FERMT1: variants seen among roughly 807,000 people sequenced by gnomAD.
FERMT1 encodes fermitin family homolog 1.
FERMT1 carries 60 observed loss-of-function variants against 85.3 expected under a neutral mutation model. That is an observed-to-expected ratio of 0.70 (90% CI 0.57 to 0.87). The LOEUF (loss-of-function observed/expected upper bound fraction) is 0.87. Ranked by LOEUF, FERMT1 falls within the 40% of genes least tolerant of loss-of-function variation. FERMT1 has a pLI of 0.00. For missense variants in FERMT1, 701 were observed against 818.9 expected, an observed-to-expected ratio of 0.86 and a Z score of 1.76; for synonymous variants, 275 against 301.1, an observed-to-expected ratio of 0.91 and a Z score of 0.90.
At chr20:6,101,711 G>T (rs1333251581) in intron 6 of FERMT1, among the ~76,000 whole-genome samples, 1 of 152,148 alleles carries the variant, frequency 6.6e-6, no homozygotes, top group South Asian at 2.1e-4. Context: ...GGAGTGCAAT[G>T]GCGCGATCTC....
intron 6 of FERMT1, among the ~76,000 whole-genome samples, chr20:6,103,143 G>A (rs1982705232): frequency 6.6e-6 from 1 of 152,128 alleles, no homozygotes; most frequent in Admixed American, 6.6e-5. Flanking sequence ...ACAAAAGAGT[G>A]TTCAATAAAA....
In FERMT1 at chr20:6,077,101, C is replaced by G. The variant is rs2232084; in HGVS notation, c.*72G>C. On this transcript the variant is annotated 3_prime_UTR_variant, in exon 15 of 15. Transcript: ENST00000217289. ...TAGTCCAGAATCTACATGCTGGGCA[C>G]GTTAGGGATCCCTCTGGGGAGGGGC... 1 of 1,468,622 alleles carries G rather than the reference C, an allele frequency of 6.8e-7. No individual in the cohort carries two copies. The highest frequency in any genetic ancestry group is 1.7e-5 in the Admixed American group (1 of 59,824). The allele number at this position is 1,468,622 out of a possible 1,614,324, so 91.0% of individuals were successfully genotyped here.
rs562999534 is a variant in FERMT1, at chr20:6,075,659, C to G, written c.*1514G>C. 3.3e-4 allele frequency: 51 copies of G among 152,396 alleles called. No individual in the cohort carries two copies. Among genetic ancestry groups the G allele is most frequent in the African/African-American group, 1.2e-3 (50 of 41,544 alleles). 9.4% of individuals were successfully genotyped at this position (152,396 alleles called of 1,614,324 possible). A position where few individuals can be genotyped will look rare whatever the true frequency, so the allele number is the denominator to read the frequency against. ...GTGGCTCCCGGAATTGCTGAGGTCT[C>G]ACTTCTCAGAGGGCTTTGATGGAAA... On this transcript the variant is annotated 3_prime_UTR_variant, in exon 15 of 15. Coordinates refer to ENST00000217289, the MANE Select transcript of FERMT1 (RefSeq NM_017671.5).
intron 3 of FERMT1, among the ~76,000 whole-genome samples, chr20:6,114,731 G>A (rs1185968956): frequency 6.6e-6 from 1 of 152,156 alleles, no homozygotes; most frequent in Non-Finnish European, 1.5e-5. Flanking sequence ...AGATGCTCAG[G>A]AAACGGTTTC....
intron 13 of FERMT1, among the ~76,000 whole-genome samples, chr20:6,081,313 A>G (rs1160980848): frequency 6.6e-6 from 1 of 152,024 alleles, no homozygotes; most frequent in Non-Finnish European, 1.5e-5. Flanking sequence ...CTCTGGTATT[A>G]TAAGAGATTG....
At position 6,115,905 on chromosome 20, in the gene FERMT1, CA is replaced by C. The variant is rs1429188089; in HGVS notation, c.290del (p.Leu97ArgfsTer8). ...TCTTCAAATTCGGCAGACGAAGGCG[CA>C]GCATTTTATGCTGAGGGGTGAAGAG... Reference protein sequence around the residue: ...KLLFTPQHKMLRLRLPNLKMV... With the variant: ...KLLFTPQHKMXRLRLPNLKMV... On this transcript the variant is annotated frameshift_variant, in exon 3 of 15. Transcript: ENST00000217289. LOFTEE classifies it high-confidence loss of function. The C allele has an allele frequency of 6.2e-7, 1 of 1,614,058 alleles. No homozygotes were observed. The highest frequency in any genetic ancestry group is 8.5e-7 in the Non-Finnish European group (1 of 1,180,054).
chr20:6,100,609 A>G (rs1982636735), intron 6 of FERMT1, among the ~76,000 whole-genome samples: 1 of 152,230 alleles, frequency 6.6e-6, no homozygotes, highest in Admixed American at 6.5e-5. Flanking sequence ...CATGTAAATT[A>G]TATCTCAAAA....
chr20:6,089,930 G>T (rs186240064), intron 9 of FERMT1, among the ~76,000 whole-genome samples: 158 of 152,316 alleles, frequency 1.0e-3, no homozygotes, highest in African/African-American at 3.8e-3. Context: ...GAAATTATTA[G>T]TATGCGGTTT....
chr20:6,080,592 T>C (rs1214468569), intron 13 of FERMT1, among the ~76,000 whole-genome samples: 3 of 152,080 alleles, frequency 2.0e-5, no homozygotes. Flanking sequence ...GTGATGGTGG[T>C]GGTGGAGGAG....
In FERMT1 at chr20:6,107,617, C is replaced by A. The variant is rs777736000; in HGVS notation, c.764G>T (p.Arg255Leu). 1 of 1,608,592 alleles carries A rather than the reference C, an allele frequency of 6.2e-7. No homozygotes were observed. The highest frequency in any genetic ancestry group is 8.5e-7 in the Non-Finnish European group (1 of 1,175,460). ...KLNAGWLDSSRSLMEQGIQED... is the reference protein window; with the variant it reads ...KLNAGWLDSSLSLMEQGIQED... ...TTGGATGCCTTGTTCCATAAGGGAG[C>A]GTGAGGAGTCTAGCCAACTAGAAAA... The change falls in exon 6 of 15, where the codon CGC becomes CTC. Residue 255 changes from arginine (R) to leucine (L), a missense_variant. Arg to Leu is a moderately radical substitution (Grantham distance 102, BLOSUM62 -2). Transcript: ENST00000217289.
At chr20:6,085,034 G>C in intron 12 of FERMT1, 32 bp downstream of exon 12, 1 of 1,570,844 alleles carries the variant, frequency 6.4e-7, no homozygotes. Context: ...AGAATTTACT[G>C]CAAACAATTG....
At chr20:6,099,382 G>C (rs1982593849) in intron 6 of FERMT1, among the ~76,000 whole-genome samples, 1 of 148,166 alleles carries the variant, frequency 6.7e-6, no homozygotes, top group South Asian at 2.1e-4. Context: ...TCTAGCCTGG[G>C]CAACAAGAGT....
At chr20:6,086,907 A>G (rs985990226) in intron 11 of FERMT1, among the ~76,000 whole-genome samples, 1 of 152,126 alleles carries the variant, frequency 6.6e-6, no homozygotes, top group African/African-American at 2.4e-5. Context: ...TCTTTATAGC[A>G]ATGTGAGAAT....
chr20:6,082,675 A>G (rs1982030708), intron 13 of FERMT1, among the ~76,000 whole-genome samples: 1 of 152,132 alleles, frequency 6.6e-6, no homozygotes. Context: ...TTTTTGTTTT[A>G]GAGACAGTCT....
chr20:6,097,242 C>T (rs1982530357), intron 7 of FERMT1, among the ~76,000 whole-genome samples: 1 of 152,156 alleles, frequency 6.6e-6, no homozygotes, highest in African/African-American at 2.4e-5. Flanking sequence ...CTGGCTCTTT[C>T]TCATCACTGA....
At chr20:6,117,542 T>C (rs1165098309) in intron 2 of FERMT1, among the ~76,000 whole-genome samples, 2 of 152,140 alleles carry the variant, frequency 1.3e-5, no homozygotes, top group African/African-American at 4.8e-5. Flanking sequence ...CAAGTGATTC[T>C]CCTGCCTCAG....
At chr20:6,096,680 C>A (rs983829209) in intron 8 of FERMT1, among the ~76,000 whole-genome samples, 2 of 151,726 alleles carry the variant, frequency 1.3e-5, no homozygotes, top group African/African-American at 4.8e-5. Flanking sequence ...AGAAATATAA[C>A]ACAAAAGTAT....
At chr20:6,079,277 GA>G (rs1419256455) in intron 14 of FERMT1, among the ~76,000 whole-genome samples, 158 bp downstream of exon 14, 1 of 152,034 alleles carries the variant, frequency 6.6e-6, no homozygotes, top group African/African-American at 2.4e-5. Flanking sequence ...AAGCTGCCCA[GA>G]ATTGCATATG....
At chr20:6,085,852 A>AAG (rs1982167454) in intron 11 of FERMT1, among the ~76,000 whole-genome samples, 1 of 151,702 alleles carries the variant, frequency 6.6e-6, no homozygotes, top group Non-Finnish European at 1.5e-5. Flanking sequence ...TTGTCAAAAA[A>AAG]AAAAAATACC....
Sources: gnomAD v4.1 joint callset for allele counts (sites outside exome capture counted in the v4.1 genomes callset) on GRCh38, gnomAD v4.1.1 for gene constraint, MANE v1.5 for transcripts, NCBI Gene and HGNC (gene_info 2026-07-23, HGNC 2026-07-21) for gene names.